Variants in PCED1A observed in about 807,000 individuals in gnomAD.
The protein encoded by PCED1A is PC-esterase domain-containing protein 1A.
Under a neutral mutation model 41.9 loss-of-function variants are expected in PCED1A, and 20 were observed. The ratio of observed to expected loss-of-function variants is 0.48; its 90% CI spans 0.34 to 0.69. The LOEUF (loss-of-function observed/expected upper bound fraction) is 0.69, where lower values mean the gene tolerates loss of function less well. Ranked by LOEUF, PCED1A falls within the 30% of genes least tolerant of loss-of-function variation. The pLI is 0.01. For missense variants in PCED1A, 498 were observed against 602.1 expected (o/e 0.83, Z 1.81); for synonymous variants, 236 against 241.3 (o/e 0.98, Z 0.20).
rs1425795656 is a variant in PCED1A, at chr20:2,836,233, A to G, written c.923T>C (p.Leu308Pro). The G allele has an allele frequency of 6.2e-7, 1 of 1,614,044 alleles. No individual in the cohort carries two copies. The highest frequency in any genetic ancestry group is 8.5e-7 in the Non-Finnish European group (1 of 1,179,962). ...AGAAGGTGGGGGTGGGAGCAAGGCC[A>G]GGTGCTCCCCGAAGTCTGGGGTCTG... ...HRQTPDFGEHLALLPPPPSSL... is the reference protein window; with the variant it reads ...HRQTPDFGEHPALLPPPPSSL... The change falls in exon 7 of 8, where the codon CTG becomes CCG. Residue 308 changes from leucine to proline, a missense_variant. This residue lies in a region of PCED1A where 245 missense variants were observed against 232.4 expected (regional missense o/e 1.05). Transcript: ENST00000360652.
intron 6 of PCED1A, among the ~76,000 whole-genome samples, chr20:2,836,537 A>C (rs896439941): frequency 6.6e-6 from 1 of 152,044 alleles, no homozygotes; most frequent in African/African-American, 2.4e-5. Flanking sequence ...GTTCTAACCT[A>C]CACTTCCCTC....
rs893637152 is a variant in PCED1A, at chr20:2,838,004, A to C, written c.841+228T>G. On this transcript the variant is annotated intron_variant, in intron 6 of 7. Transcript: ENST00000360652. This position sits in a 1 kb window ranked among gnomAD's most constrained non-coding sequence, Gnocchi z 5.8. The stretch of plus-strand genomic sequence containing the variant: ...AATACTTGTACAAGCTCCTTCAAGC[A>C]CACAGAAATGACTACACAGCCAGAC... Among the ~76,000 whole-genome samples the C allele has an allele frequency of 6.6e-6, 1 of 152,208 alleles. No individual in the cohort carries two copies. The highest frequency in any genetic ancestry group is 2.4e-5 in the African/African-American group (1 of 41,446).
At chr20:2,837,935 A>C (rs747734435) in intron 6 of PCED1A, among the ~76,000 whole-genome samples, 24 of 152,020 alleles carry the variant, frequency 1.6e-4, no homozygotes, top group Admixed American at 1.3e-4. Flanking sequence ...CTTTCCTGTT[A>C]ATCTGTTGGG....
chr20:2,837,596 T>G lies in PCED1A; in HGVS notation c.841+636A>C, dbSNP rs1426965992. On this transcript the variant is annotated intron_variant, in intron 6 of 7. Coordinates refer to ENST00000360652, the MANE Select transcript of PCED1A (RefSeq NM_022760.6). ...GAGGTTCTGCAGCAGAGTGTTACAG[T>G]TGAGATGTGATGGGGAGCAGTGCCT... Among the ~76,000 whole-genome samples the G allele has an allele frequency of 2.0e-5, 3 of 151,984 alleles. No homozygotes were observed. In the South Asian group the frequency reaches 6.2e-4, roughly 32 times the overall value.
At position 2,838,885 on chromosome 20, in the gene PCED1A, C is replaced by T. The variant is rs200852591; in HGVS notation, c.402G>A (p.Pro134=). The change falls in exon 4 of 8, where the codon CCG becomes CCA. Residue 134 remains proline, a synonymous_variant. Coordinates refer to ENST00000360652, the MANE Select transcript of PCED1A (RefSeq NM_022760.6). The surrounding 1 kb of genome is among the most constrained non-coding windows in gnomAD (Gnocchi z 5.8). Reference sequence around the variant, plus strand: ...GGCAGGAGTTGATGATCACCAGGTCCGGGGCAGGTCCATATGTCAGCTCTT... The same window carrying T: ...GGCAGGAGTTGATGATCACCAGGTCTGGGGCAGGTCCATATGTCAGCTCTT... ...VLEELTYGPA[P]DLVIINSCLW... 1.0e-4 allele frequency: 162 copies of T among 1,614,124 alleles called. 2 individuals carry two copies. The Admixed American group carries it at 2.3e-3, about 23-fold the overall frequency.
intron 1 of PCED1A, 36 bp from the exon 2 acceptor site, chr20:2,839,969 G>T (rs1418441184): frequency 2.6e-6 from 4 of 1,567,112 alleles, no homozygotes; most frequent in Non-Finnish European, 2.6e-6. Context: ...GCGATGGTGG[G>T]GACTCTGGGC....
chr20:2,840,650 A>G lies in PCED1A; in HGVS notation c.-461T>C, dbSNP rs1010359461. 5.6e-6 allele frequency: 6 copies of G among 1,067,788 alleles called. No homozygotes were observed. Among genetic ancestry groups the G allele is most frequent in the Non-Finnish European group, 8.4e-6 (6 of 713,636 alleles). The allele number at this position is 1,067,788 out of a possible 1,614,324, so 66.1% of individuals were successfully genotyped here. ...GCGGCAGCCAAGTGAGGCTGCCCAC[A>G]GTGGTGATGGCCGCGGCGGCGGCCT... On this transcript the variant is annotated 5_prime_UTR_variant, in exon 1 of 8. Coordinates refer to ENST00000360652, the MANE Select transcript of PCED1A (RefSeq NM_022760.6).
chr20:2,839,339 G>A, intron 2 of PCED1A, 68 bp from the exon 3 acceptor site: 1 of 1,484,372 alleles, frequency 6.7e-7, no homozygotes. Flanking sequence ...CCAAGTCCAG[G>A]ACCCCATTTT....
upstream of PCED1A, chr20:2,840,768 A>G (rs765728758): frequency 3.9e-6 from 6 of 1,547,826 alleles, no homozygotes; most frequent in Admixed American, 2.0e-5. Context: ...TGCCGTCTGC[A>G]CCAGCCATGG....
upstream of PCED1A, chr20:2,840,767 C>T (rs2088957365): frequency 4.5e-6 from 7 of 1,548,184 alleles, no homozygotes; most frequent in South Asian, 4.8e-5. Flanking sequence ...CTGCCGTCTG[C>T]ACCAGCCATG....
rs1000677106 is a variant in PCED1A at position 2,840,464 on chromosome 20, A to G, written c.-275T>C. On this transcript the variant is annotated 5_prime_UTR_variant, in exon 1 of 8. Coordinates refer to ENST00000360652, the MANE Select transcript of PCED1A (RefSeq NM_022760.6). ...TCAGGCCTCGGCGCCTCGGGCTGCG[A>G]CGCTCACAGCTTCCACTTCCGTTCA... The G allele has an allele frequency of 6.5e-6, 3 of 459,584 alleles. No individual in the cohort carries two copies. Among genetic ancestry groups the G allele is most frequent in the Non-Finnish European group, 1.2e-5 (3 of 257,654 alleles). The allele number at this position is 459,584 out of a possible 1,614,324, so 28.5% of individuals were successfully genotyped here.
chr20:2,836,425 G>T, intron 6 of PCED1A, 111 bp from the exon 7 acceptor site: 3 of 963,536 alleles, frequency 3.1e-6, no homozygotes, highest in Non-Finnish European at 5.0e-6. Flanking sequence ...AGAGCCACCA[G>T]GCTGGAGCAT....
chr20:2,835,421 G>GA lies in PCED1A; in HGVS notation c.*40dup, dbSNP rs750846966. 1.9e-6 allele frequency: 3 copies of GA among 1,568,426 alleles called. No homozygotes were observed. In the African/African-American group the frequency reaches 4.0e-5, roughly 21 times the overall value. On this transcript the variant is annotated 3_prime_UTR_variant, in exon 8 of 8. Transcript: ENST00000360652. ...GTACCTGAGGTGCCAGGCAGGCCCT[G>GA]AAGGGCCATTGGCACATCCAGTCCC... is the stretch of plus-strand genomic sequence containing the variant.
At chr20:2,835,859 C>A in intron 7 of PCED1A, 150 bp from the exon 8 acceptor site, 1 of 1,442,264 alleles carries the variant, frequency 6.9e-7, no homozygotes, top group East Asian at 2.5e-5. Flanking sequence ...GACGGTGAAA[C>A]AGTGACAACC....
upstream of PCED1A, chr20:2,840,926 G>T (rs2088962591): frequency 1.6e-6 from 2 of 1,219,662 alleles, no homozygotes; most frequent in Non-Finnish European, 2.3e-6. Flanking sequence ...ACTGGCGCTG[G>T]GGTCCGCCCC....
upstream of PCED1A, chr20:2,840,959 T>C: frequency 2.3e-6 from 2 of 871,944 alleles, no homozygotes; most frequent in South Asian, 3.5e-5. Context: ...CCCGAGCGTC[T>C]GCCACTTAGC....
intron 1 of PCED1A, 120 bp from the exon 2 acceptor site, chr20:2,840,053 G>T: frequency 9.1e-7 from 1 of 1,093,896 alleles, no homozygotes; most frequent in Non-Finnish European, 1.3e-6. Flanking sequence ...CAGAGCCATG[G>T]TGGCGCCAGC....
At chr20:2,835,804 T>C in intron 7 of PCED1A, 95 bp from the exon 8 acceptor site, 2 of 1,500,996 alleles carry the variant, frequency 1.3e-6, no homozygotes, top group Non-Finnish European at 1.8e-6. Context: ...TGAGCTTCTC[T>C]GTTTCCCTAT....
At chr20:2,839,748 A>T (rs768175148) in intron 2 of PCED1A, 41 bp downstream of exon 2, 1 of 1,608,088 alleles carries the variant, frequency 6.2e-7, no homozygotes, top group South Asian at 1.1e-5. Context: ...ACGGGCTGCA[A>T]GGTGTGGGAC....
Sources: allele counts gnomAD v4.1 joint callset (sites outside exome capture counted in the v4.1 genomes callset), GRCh38; gene constraint gnomAD v4.1.1; regional missense constraint gnomAD v4.1.1; non-coding constraint Gnocchi (gnomAD v3.1); transcripts MANE v1.5; gene names NCBI Gene and HGNC (gene_info 2026-07-23, HGNC 2026-07-21).